IL23R: variants seen among roughly 807,000 people sequenced by gnomAD.
IL23R encodes the protein interleukin-23 receptor.
A neutral mutation model predicts 56.9 loss-of-function variants in IL23R; 34 were observed. The observed-to-expected ratio is 0.60, with a 90% confidence interval of 0.45 to 0.80. IL23R has a LOEUF of 0.80. Ranked by LOEUF, IL23R falls within the 30% of genes least tolerant of loss-of-function variation. The pLI is 0.00. For synonymous variants in IL23R, 230 were observed against 249.2 expected (o/e 0.92, Z 0.73); for missense variants, 635 against 730.0 (o/e 0.87, Z 1.50).
At chr1:67,241,654 G>A (rs755462041) in intron 9 of IL23R, among the ~76,000 whole-genome samples, 12 of 152,146 alleles carry the variant, frequency 7.9e-5, no homozygotes, top group Non-Finnish European at 1.5e-4. Flanking sequence ...TTTAGCTCTT[G>A]TTATTCCAGT....
chr1:67,246,738 G>T (rs1294793768), intron 9 of IL23R, among the ~76,000 whole-genome samples: 1 of 152,130 alleles, frequency 6.6e-6, no homozygotes, highest in Non-Finnish European at 1.5e-5. Flanking sequence ...ACAATTATGT[G>T]ATCAATTTTA....
chr1:67,148,314 T>A (rs1235514221), intron 1 of IL23R, among the ~76,000 whole-genome samples: 1 of 152,148 alleles, frequency 6.6e-6, no homozygotes, highest in Non-Finnish European at 1.5e-5. Context: ...TTGCAAGATT[T>A]AATAGAGTGA....
At chr1:67,177,400 G>T (rs1285256085) in intron 3 of IL23R, among the ~76,000 whole-genome samples, 1 of 152,150 alleles carries the variant, frequency 6.6e-6, no homozygotes, top group Admixed American at 6.5e-5. Flanking sequence ...GTGTCTGTTG[G>T]CTGCATAAAT....
chr1:67,200,486 G>A (rs777440026), intron 4 of IL23R, among the ~76,000 whole-genome samples: 3 of 150,492 alleles, frequency 2.0e-5, no homozygotes, highest in Admixed American at 6.6e-5. Context: ...TCTGCCTCCC[G>A]GGTTCCAGCA....
intron 2 of IL23R, 137 bp from the exon 3 acceptor site, chr1:67,169,205 C>T: frequency 9.9e-6 from 5 of 504,948 alleles, no homozygotes; most frequent in Non-Finnish European, 1.7e-5. Flanking sequence ...TGAAAAGATA[C>T]ATCTAGTCCT....
Position 67,168,081 on chromosome 1 carries a change from T to A in IL23R, c.-29-11T>A. On this transcript the variant is annotated splice_polypyrimidine_tract_variant and intron_variant, in intron 1 of 10. Transcript: ENST00000347310. Reference sequence around the variant, plus strand: ...ACTACAATTTAAACATTTTTCATATTTTTTTTCCAGAGGGAAACAGTCTTT... The same window carrying A: ...ACTACAATTTAAACATTTTTCATATATTTTTTCCAGAGGGAAACAGTCTTT... 3 of 1,398,032 alleles carry A rather than the reference T, an allele frequency of 2.1e-6. No individual in the cohort carries two copies. The highest frequency in any genetic ancestry group is 3.0e-6 in the Non-Finnish European group (3 of 984,290). 86.6% of individuals were successfully genotyped at this position (1,398,032 alleles called of 1,614,324 possible).
At chr1:67,163,685 T>G (rs541859742), upstream of IL23R, among the ~76,000 whole-genome samples, 12 of 151,962 alleles carry the variant, frequency 7.9e-5, no homozygotes, top group African/African-American at 2.9e-4. Flanking sequence ...GTGTGGCACC[T>G]CCCCCTGCTC....
chr1:67,194,666 T>C (rs1279138926), intron 4 of IL23R, among the ~76,000 whole-genome samples: 1 of 152,238 alleles, frequency 6.6e-6, no homozygotes, highest in African/African-American at 2.4e-5. Flanking sequence ...TTTTGACTTG[T>C]GGTCTCAGTA....
intron 6 of IL23R, among the ~76,000 whole-genome samples, chr1:67,213,031 G>C (rs961876639): frequency 6.6e-6 from 1 of 151,988 alleles, no homozygotes; most frequent in Non-Finnish European, 1.5e-5. Flanking sequence ...CGGGCACCAC[G>C]TCTGGCTTCT....
upstream of IL23R, among the ~76,000 whole-genome samples, chr1:67,161,833 G>A (rs1038485203): frequency 2.0e-5 from 3 of 151,814 alleles, no homozygotes; most frequent in Admixed American, 6.6e-5. Context: ...TCACCATGTT[G>A]GCCAGGATGG....
chr1:67,164,451 G>A (rs549238858), upstream of IL23R, among the ~76,000 whole-genome samples: 1 of 152,188 alleles, frequency 6.6e-6, no homozygotes, highest in Non-Finnish European at 1.5e-5. Flanking sequence ...TGACCAACAT[G>A]GTGAAACCCC....
chr1:67,188,083 A>G (rs1351714018), intron 4 of IL23R, among the ~76,000 whole-genome samples: 1 of 152,162 alleles, frequency 6.6e-6, no homozygotes, highest in African/African-American at 2.4e-5. Context: ...AAAATAAAAA[A>G]ACTCAAGTGC....
rs766128043 is a variant in IL23R at position 67,258,639 on chromosome 1, G to T, written c.1401G>T (p.Ser467=). The change falls in exon 11 of 11, where the codon TCG becomes TCT. Residue 467 remains serine (S), a synonymous_variant. Transcript: ENST00000347310. ...PLETRDYPQN[S]LFDNTTVVYI... Reference sequence around the variant, plus strand: ...AGACAAGAGACTACCCGCAAAACTCGCTATTCGACAATACTACAGTTGTAT... The same window carrying T: ...AGACAAGAGACTACCCGCAAAACTCTCTATTCGACAATACTACAGTTGTAT... 1.5e-5 allele frequency: 25 copies of T among 1,613,710 alleles called. 1 individual carries two copies. Among genetic ancestry groups the T allele is most frequent in the Non-Finnish European group, 1.9e-5 (23 of 1,179,948 alleles).
At chr1:67,212,813 C>T (rs949651998) in intron 6 of IL23R, among the ~76,000 whole-genome samples, 1 of 152,264 alleles carries the variant, frequency 6.6e-6, no homozygotes, top group East Asian at 1.9e-4. Flanking sequence ...CCTCAGCCTC[C>T]CAAAGTGCTG....
At chr1:67,199,853 G>C (rs140390822) in intron 4 of IL23R, among the ~76,000 whole-genome samples, 3 of 151,714 alleles carry the variant, frequency 2.0e-5, no homozygotes, top group Admixed American at 6.6e-5. Context: ...TCAGTAAAAG[G>C]TTGCATATTT....
rs1650847896 is a variant in IL23R at position 67,228,151 on chromosome 1, T to TTCCTTCC, written c.955+8422_955+8423insCCTTCCT. On this transcript the variant is annotated intron_variant, in intron 7 of 10. Transcript: ENST00000347310. ...TTCCTTCTTTCTTTCTGTCTTTCTT[T>TTCCTTCC]TTCCTTCCTTCCTTCCTTCCTTCCT... Among the ~76,000 whole-genome samples the TTCCTTCC allele has an allele frequency of 2.6e-3, 153 of 58,100 alleles. 13 individuals are homozygous for TTCCTTCC. Among genetic ancestry groups the TTCCTTCC allele is most frequent in the African/African-American group, 0.012 (145 of 12,032 alleles). 38.1% of individuals were successfully genotyped at this position (58,100 alleles called of 152,430 possible).
chr1:67,169,470 T>C lies in IL23R; in HGVS notation c.199T>C (p.Tyr67His). The change falls in exon 3 of 11, where the codon TAT becomes CAT. Residue 67 changes from tyrosine (Y) to histidine (H), a missense_variant. Physicochemically the swap from Tyr to His is moderately conservative, Grantham distance 83. Transcript: ENST00000347310. The part of the protein sequence containing the change: ...KNCQPRKLHF[Y>H]KNGIKERFQI... ...CTGCCAACCAAGGAAACTTCATTTTTATAAAAATGGCATCAAAGAAAGATT... is the reference window on the plus strand; with the variant it reads ...CTGCCAACCAAGGAAACTTCATTTTCATAAAAATGGCATCAAAGAAAGATT... 2 of 1,614,086 alleles carry C rather than the reference T, an allele frequency of 1.2e-6. No homozygotes were observed. The highest frequency in any genetic ancestry group is 1.7e-6 in the Non-Finnish European group (2 of 1,179,942).
chr1:67,231,468 A>G (rs1208906242), intron 7 of IL23R, among the ~76,000 whole-genome samples: 2 of 152,060 alleles, frequency 1.3e-5, no homozygotes, highest in African/African-American at 4.8e-5. Context: ...CACTGCTTTT[A>G]TCTAATTTTA....
rs57619103 is a variant in IL23R, at chr1:67,205,975, C to T, written c.653-935C>T. Among the ~76,000 whole-genome samples, 590 of 129,722 alleles carry T rather than the reference C, an allele frequency of 4.5e-3. 5 individuals carry two copies. Among genetic ancestry groups the T allele is most frequent in the African/African-American group, 0.015 (567 of 37,180 alleles). 85.1% of individuals were successfully genotyped at this position (129,722 alleles called of 152,430 possible). ...TTTCTTTCTTTCTTTCTTGCTCTTTCTGTCTCTTCCTTTCTTTCTCTTTTC... is the reference window on the plus strand; with the variant it reads ...TTTCTTTCTTTCTTTCTTGCTCTTTTTGTCTCTTCCTTTCTTTCTCTTTTC... On this transcript the variant is annotated intron_variant, in intron 5 of 10. Transcript: ENST00000347310.
Sources: allele counts gnomAD v4.1 joint callset (sites outside exome capture counted in the v4.1 genomes callset), GRCh38; gene constraint gnomAD v4.1.1; transcripts MANE v1.5; gene names NCBI Gene and HGNC (gene_info 2026-07-23, HGNC 2026-07-21).